PTCRA: variants seen among roughly 807,000 people sequenced by gnomAD.
PTCRA encodes pre T-cell antigen receptor alpha.
In PTCRA, 9 loss-of-function variants were observed where a neutral mutation model predicts 13.4. The observed-to-expected ratio is 0.67, with a 90% CI of 0.41 to 1.18. PTCRA has a LOEUF of 1.18. Ranked by LOEUF, PTCRA falls within the 50% of genes most tolerant of loss-of-function variation. The probability of loss-of-function intolerance (pLI) is 0.01; values close to 1 mark genes in which losing one functional copy is unlikely to be tolerated. For missense variants in PTCRA, 353 were observed against 359.8 expected (o/e 0.98, Z 0.15); for synonymous variants, 153 against 161.9 (o/e 0.94, Z 0.42).
intron 1 of PTCRA, among the ~76,000 whole-genome samples, chr6:42,921,412 CTTT>C (rs59029514): frequency 0.22 from 18,517 of 84,824 alleles, 1,454 homozygotes; most frequent in African/African-American, 0.25. Flanking sequence ...AACAAAGCTT[CTTT>C]TTTTTTTTTT....
intron 1 of PTCRA, among the ~76,000 whole-genome samples, chr6:42,918,848 G>A (rs1766995261): frequency 7.0e-6 from 1 of 143,542 alleles, no homozygotes; most frequent in African/African-American, 2.6e-5. Flanking sequence ...GGAGTGCAGT[G>A]GTGCAATCTT....
rs1436349113 is a variant in PTCRA at position 42,925,418 on chromosome 6, T to C, written c.582T>C (p.His194=). Residue 194 remains histidine, a synonymous_variant, in exon 4 of 4, where the codon CAT becomes CAC. Coordinates refer to ENST00000304672, the MANE Select transcript of PTCRA (RefSeq NM_138296.3). The surrounding 1 kb of genome is among the most constrained non-coding windows in gnomAD (Gnocchi z 4.4). Reference sequence around the variant, plus strand: ...CCCGCCTGCGAGCCCTCGGCTCCCATCGACTGCACCCGGCCACGGAGACTG... The same window carrying C: ...CCCGCCTGCGAGCCCTCGGCTCCCACCGACTGCACCCGGCCACGGAGACTG... ...TTTRLRALGS[H]RLHPATETGG... is the part of the protein sequence containing the mutation. 2.6e-6 allele frequency: 4 copies of C among 1,555,590 alleles called. No homozygotes were observed. Among genetic ancestry groups the C allele is most frequent in the African/African-American group, 2.7e-5 (2 of 73,246 alleles).
rs562534073 is a variant in PTCRA at position 42,925,753 on chromosome 6, T to G, written c.*71T>G. On this transcript the variant is annotated 3_prime_UTR_variant, in exon 4 of 4. Coordinates refer to ENST00000304672, the MANE Select transcript of PTCRA (RefSeq NM_138296.3). The surrounding 1 kb of genome is among the most constrained non-coding windows in gnomAD (Gnocchi z 4.4). ...CTCTGCCATCCAAAAGGGGGCCCCT[T>G]GAGAATGGTGATCCACCCAGTTACA... The G allele has an allele frequency of 2.9e-6, 3 of 1,045,482 alleles. No homozygotes were observed. The highest frequency in any genetic ancestry group is 3.1e-5 in the Admixed American group (1 of 32,638). The allele number at this position is 1,045,482 out of a possible 1,614,324, so 64.8% of individuals were successfully genotyped here.
At chr6:42,924,709 A>G (rs1295158816) in intron 3 of PTCRA, among the ~76,000 whole-genome samples, 3 of 152,268 alleles carry the variant, frequency 2.0e-5, no homozygotes, top group African/African-American at 7.2e-5. Flanking sequence ...GCGGTGGCTC[A>G]CACCTGTAAT....
In PTCRA at chr6:42,925,587, T is replaced by C. The variant is rs1166106824; in HGVS notation, c.751T>C (p.Trp251Arg). ...TTACCCCACTTGCCCAGCACAGGCC[T>C]GGTGCTCAAGATCTGCCCTCAGGGC... ...SSYPTCPAQA[W>R]CSRSALRAPS... The change falls in exon 4 of 4, where the codon TGG (tryptophan) becomes CGG (arginine). Residue 251 changes from tryptophan (W) to arginine (R), a missense_variant. Coordinates refer to ENST00000304672, the MANE Select transcript of PTCRA (RefSeq NM_138296.3). The surrounding 1 kb of genome is among the most constrained non-coding windows in gnomAD (Gnocchi z 4.4). 1 of 1,601,122 alleles carries C rather than the reference T, an allele frequency of 6.2e-7. No homozygotes were observed. The highest frequency in any genetic ancestry group is 8.5e-7 in the Non-Finnish European group (1 of 1,173,404).
Position 42,925,267 on chromosome 6 carries a change from C to T in PTCRA, c.431C>T (p.Pro144Leu), listed in dbSNP as rs564467179. The T allele has an allele frequency of 2.5e-5, 39 of 1,588,296 alleles. No individual in the cohort carries two copies. The highest frequency in any genetic ancestry group is 8.5e-5 in the Admixed American group (5 of 58,620). ...TCPQEPLRGTPGGALWLGVLR... is the reference protein window; with the variant it reads ...TCPQEPLRGTLGGALWLGVLR... ...GAGCGGTTCCTCCTCGCAGGGACAC[C>T]GGGTGGGGCGCTGTGGCTGGGGGTC... The change falls in exon 4 of 4, where the codon CCG (proline) becomes CTG (leucine). Residue 144 changes from proline to leucine, a missense_variant. Coordinates refer to ENST00000304672, the MANE Select transcript of PTCRA (RefSeq NM_138296.3). The surrounding 1 kb of genome is among the most constrained non-coding windows in gnomAD (Gnocchi z 4.4).
At chr6:42,924,207 T>C (rs559553731) in intron 2 of PTCRA, 22 bp from the exon 3 acceptor site, 2 of 1,599,434 alleles carry the variant, frequency 1.3e-6, no homozygotes, top group South Asian at 1.1e-5. Context: ...CAAAGACTCA[T>C]TCGCTTCTCC....
At chr6:42,919,360 T>G (rs564379144) in intron 1 of PTCRA, among the ~76,000 whole-genome samples, 4 of 152,222 alleles carry the variant, frequency 2.6e-5, no homozygotes, top group Admixed American at 2.6e-4. Context: ...CCTCACAAGA[T>G]TCTCTGGCCT....
intron 2 of PTCRA, among the ~76,000 whole-genome samples, chr6:42,923,950 A>G (rs539616478): frequency 6.6e-6 from 1 of 152,356 alleles, no homozygotes; most frequent in Admixed American, 6.5e-5. Context: ...CCTGACTTCC[A>G]AAGAATGCTG....
In PTCRA at chr6:42,925,437, G is replaced by A. The variant is rs1464402796; in HGVS notation, c.601G>A (p.Glu201Lys). The change falls in exon 4 of 4, where the codon GAG becomes AAG. Residue 201 changes from glutamate (E) to lysine (K), a missense_variant. Physicochemically the swap from Glu to Lys is moderately conservative, Grantham distance 56. Transcript: ENST00000304672. This position sits in a 1 kb window ranked among gnomAD's most constrained non-coding sequence, Gnocchi z 4.4. ...LGSHRLHPAT[E>K]TGGREATSSP... is the part of the protein sequence containing the mutation. Reference sequence around the variant, plus strand: ...CTCCCATCGACTGCACCCGGCCACGGAGACTGGGGGACGAGAGGCCACCAG... The same window carrying A: ...CTCCCATCGACTGCACCCGGCCACGAAGACTGGGGGACGAGAGGCCACCAG... 1 of 1,555,264 alleles carries A rather than the reference G, an allele frequency of 6.4e-7. No homozygotes were observed. The highest frequency in any genetic ancestry group is 8.7e-7 in the Non-Finnish European group (1 of 1,148,910).
intron 2 of PTCRA, among the ~76,000 whole-genome samples, 163 bp downstream of exon 2, chr6:42,923,510 G>A (rs546031979): frequency 6.6e-6 from 1 of 152,352 alleles, no homozygotes; most frequent in African/African-American, 2.4e-5. Flanking sequence ...AGTGGCCTCA[G>A]GGCCATGAAT....
At chr6:42,916,734 C>T (rs1475222055) in intron 1 of PTCRA, among the ~76,000 whole-genome samples, 1 of 152,174 alleles carries the variant, frequency 6.6e-6, no homozygotes, top group Non-Finnish European at 1.5e-5. Flanking sequence ...CCAGCTTCAT[C>T]TAGAAGCATG....
chr6:42,925,174 G>A lies in PTCRA; in HGVS notation c.425-87G>A. ...GGAGGGGGTGAAGGGGACGGGCAAGGGCAGAGGACAAGGCCCTCTCCGCCG... is the reference window on the plus strand; with the variant it reads ...GGAGGGGGTGAAGGGGACGGGCAAGAGCAGAGGACAAGGCCCTCTCCGCCG... On this transcript the variant is annotated intron_variant, in intron 3 of 3. Coordinates refer to ENST00000304672, the MANE Select transcript of PTCRA (RefSeq NM_138296.3). The surrounding 1 kb of genome is among the most constrained non-coding windows in gnomAD (Gnocchi z 4.4). The A allele has an allele frequency of 2.0e-6, 3 of 1,488,950 alleles. No homozygotes were observed. Among genetic ancestry groups the A allele is most frequent in the Non-Finnish European group, 2.7e-6 (3 of 1,120,176 alleles). The allele number at this position is 1,488,950 out of a possible 1,614,324, so 92.2% of individuals were successfully genotyped here. A position where few individuals can be genotyped will look rare whatever the true frequency, so the allele number is the denominator to read the frequency against.
rs1365843126 is a variant in PTCRA, at chr6:42,925,213, TA to T, written c.425-47del. 1 of 1,542,364 alleles carries T rather than the reference TA, an allele frequency of 6.5e-7. No individual in the cohort carries two copies. Among genetic ancestry groups the T allele is most frequent in the Non-Finnish European group, 8.7e-7 (1 of 1,150,376 alleles). On this transcript the variant is annotated intron_variant, in intron 3 of 3. Transcript: ENST00000304672. The surrounding 1 kb of genome is among the most constrained non-coding windows in gnomAD (Gnocchi z 4.4). ...CCCTCTCCGCCGTTCTCTCCTGGGGTAGGGGGCTGCGGGCTCCTGCGGGCTC... is the reference window on the plus strand; with the variant it reads ...CCCTCTCCGCCGTTCTCTCCTGGGGTGGGGGCTGCGGGCTCCTGCGGGCTC...
At position 42,925,220 on chromosome 6, in the gene PTCRA, C is replaced by T. The variant is rs749822925; in HGVS notation, c.425-41C>T. On this transcript the variant is annotated intron_variant, in intron 3 of 3. Transcript: ENST00000304672. This position sits in a 1 kb window ranked among gnomAD's most constrained non-coding sequence, Gnocchi z 4.4. ...CGCCGTTCTCTCCTGGGGTAGGGGG[C>T]TGCGGGCTCCTGCGGGCTCCTGAGC... 1.4e-4 allele frequency: 218 copies of T among 1,549,026 alleles called. No homozygotes were observed. The highest frequency in any genetic ancestry group is 1.9e-4 in the Non-Finnish European group (214 of 1,153,984).
At chr6:42,917,960 A>G (rs899275260) in intron 1 of PTCRA, among the ~76,000 whole-genome samples, 2 of 152,188 alleles carry the variant, frequency 1.3e-5, no homozygotes, top group East Asian at 3.9e-4. Context: ...ACAAACAAAA[A>G]GAGTCAGAAA....
Position 42,922,976 on chromosome 6 carries a change from C to T in PTCRA, c.59-51C>T, listed in dbSNP as rs369452421. Reference sequence around the variant, plus strand: ...CCCTAGCCTACAACACAATGCTGGCCTGGGAGGCCAAAAGCTGGTCTAGCA... The same window carrying T: ...CCCTAGCCTACAACACAATGCTGGCTTGGGAGGCCAAAAGCTGGTCTAGCA... On this transcript the variant is annotated intron_variant, in intron 1 of 3. Coordinates refer to ENST00000304672, the MANE Select transcript of PTCRA (RefSeq NM_138296.3). The T allele has an allele frequency of 4.8e-5, 75 of 1,569,496 alleles. No individual in the cohort carries two copies. In the African/African-American group the frequency reaches 8.6e-4, roughly 18 times the overall value.
Position 42,925,419 on chromosome 6 carries a change from C to T in PTCRA, c.583C>T (p.Arg195Ter), listed in dbSNP as rs542853935. Residue 195 changes from arginine to a stop codon, truncating the protein, a stop_gained, in exon 4 of 4, where the codon CGA (arginine) becomes TGA (stop). Transcript: ENST00000304672. LOFTEE classifies it low-confidence loss of function (END_TRUNC). The surrounding 1 kb of genome is among the most constrained non-coding windows in gnomAD (Gnocchi z 4.4). ...CCGCCTGCGAGCCCTCGGCTCCCAT[C>T]GACTGCACCCGGCCACGGAGACTGG... is the stretch of plus-strand genomic sequence containing the variant. ...TTRLRALGSH[R>*]LHPATETGGR... The T allele has an allele frequency of 7.0e-4, 1,088 of 1,555,418 alleles. No homozygotes were observed. The highest frequency in any genetic ancestry group is 9.2e-4 in the Non-Finnish European group (1,057 of 1,149,176).
At chr6:42,918,726 C>T (rs1484500362) in intron 1 of PTCRA, among the ~76,000 whole-genome samples, 1 of 151,690 alleles carries the variant, frequency 6.6e-6, no homozygotes, top group Non-Finnish European at 1.5e-5. Flanking sequence ...GATTTGGAGT[C>T]ACAGAGATCT....
Sources: gnomAD v4.1 joint callset for allele counts (sites outside exome capture counted in the v4.1 genomes callset) on GRCh38, gnomAD v4.1.1 for gene constraint, Gnocchi (gnomAD v3.1) non-coding constraint, MANE v1.5 for transcripts, NCBI Gene and HGNC (gene_info 2026-07-23, HGNC 2026-07-21) for gene names.